The following HS3ST3B1 variants were observed in gnomAD, a reference collection of about 807,000 sequenced individuals.
The protein encoded by HS3ST3B1 is heparan sulfate-glucosamine 3-sulfotransferase 3B1, also known as heparan sulfate glucosamine 3-O-sulfotransferase 3B1.
In HS3ST3B1, 13 loss-of-function variants were observed where a neutral mutation model predicts 21.3. The ratio of observed to expected loss-of-function variants is 0.61; its 90% CI spans 0.40 to 0.97. The LOEUF (loss-of-function observed/expected upper bound fraction) is 0.97. Among genes scored for constraint, HS3ST3B1 ranks in the 50% least tolerant of loss-of-function variants. HS3ST3B1 has a pLI of 0.00. For missense variants in HS3ST3B1, 459 were observed against 554.8 expected, an observed-to-expected ratio of 0.83 and a Z score of 1.73; for synonymous variants, 234 against 254.8, an observed-to-expected ratio of 0.92 and a Z score of 0.78.
intron 1 of HS3ST3B1, among the ~76,000 whole-genome samples, chr17:14,330,880 T>G (rs1354847665): frequency 1.3e-5 from 2 of 152,074 alleles, no homozygotes; most frequent in Admixed American, 1.3e-4. Flanking sequence ...AGAACGGTGT[T>G]AGAGACCGGG....
intron 1 of HS3ST3B1, among the ~76,000 whole-genome samples, chr17:14,314,468 C>T (rs185570782): frequency 2.0e-4 from 30 of 152,290 alleles, no homozygotes; most frequent in African/African-American, 6.0e-4. Context: ...CGTCCCCATC[C>T]CGAGGACAAC....
chr17:14,307,916 G>A (rs1800295266), intron 1 of HS3ST3B1, among the ~76,000 whole-genome samples: 1 of 152,140 alleles, frequency 6.6e-6, no homozygotes, highest in Admixed American at 6.5e-5. Context: ...TGTTGGGATA[G>A]TCAGGAATTC....
At chr17:14,337,847 G>A (rs1379143350) in intron 1 of HS3ST3B1, among the ~76,000 whole-genome samples, 1 of 151,598 alleles carries the variant, frequency 6.6e-6, no homozygotes, top group African/African-American at 2.4e-5. Context: ...CCACGAAGGT[G>A]GACCTCTATA....
rs550668480 is a variant in HS3ST3B1 at position 14,324,068 on chromosome 17, C to T, written c.555-20960C>T. On this transcript the variant is annotated intron_variant, in intron 1 of 1. Coordinates refer to ENST00000360954, the MANE Select transcript of HS3ST3B1 (RefSeq NM_006041.3). ...CCCCCAACCCCAACCTAGGCTGATT[C>T]GTCTGCCCAGAATGAGCCTTTCTGG... Among the ~76,000 whole-genome samples, 12 of 148,166 alleles carry T rather than the reference C, an allele frequency of 8.1e-5. No homozygotes were observed. The South Asian group carries it at 2.5e-3, about 31-fold the overall frequency.
chr17:14,329,307 G>GAA (rs1567641152), intron 1 of HS3ST3B1: 1 of 107,846 alleles, frequency 9.3e-6, no homozygotes, highest in African/African-American at 3.5e-5. Flanking sequence ...GAAAGAAAGA[G>GAA]AGAAAGAGAG....
Position 14,301,790 on chromosome 17 carries a change from G to T in HS3ST3B1, c.272G>T (p.Arg91Leu), listed in dbSNP as rs776720048. Residue 91 changes from arginine (R) to leucine (L), a missense_variant, in exon 1 of 2, where the codon CGG becomes CTG. Arg to Leu is a moderately radical substitution (Grantham distance 102, BLOSUM62 -2). Transcript: ENST00000360954. ...PDGTPPRLPFRAPPATPLASG... is the reference protein window; with the variant it reads ...PDGTPPRLPFLAPPATPLASG... ...GGGACGCCCCCCAGGCTGCCGTTCC[G>T]GGCGCCGCCAGCCACCCCACTGGCT... 59 of 1,556,534 alleles carry T rather than the reference G, an allele frequency of 3.8e-5. No homozygotes were observed. Among genetic ancestry groups the T allele is most frequent in the Non-Finnish European group, 4.8e-5 (55 of 1,151,032 alleles).
intron 1 of HS3ST3B1, among the ~76,000 whole-genome samples, chr17:14,311,250 A>ACC (rs1909296524): frequency 6.6e-6 from 1 of 151,042 alleles, no homozygotes; most frequent in African/African-American, 2.4e-5. Context: ...AAAAAAAAAA[A>ACC]AAAAAACTGT....
At chr17:14,334,415 C>G (rs1910127995) in intron 1 of HS3ST3B1, among the ~76,000 whole-genome samples, 1 of 151,996 alleles carries the variant, frequency 6.6e-6, no homozygotes, top group African/African-American at 2.4e-5. Context: ...TTCAGAGGAG[C>G]AATTATAGCC....
chr17:14,331,246 C>T (rs975771637), intron 1 of HS3ST3B1, among the ~76,000 whole-genome samples: 1 of 152,054 alleles, frequency 6.6e-6, no homozygotes, highest in South Asian at 2.1e-4. Context: ...AGCAGTACCC[C>T]AGAGAGCTCA....
intron 1 of HS3ST3B1, among the ~76,000 whole-genome samples, chr17:14,322,898 CTTTTTTTT>C (rs34065582): frequency 1.3e-4 from 12 of 94,602 alleles, no homozygotes; most frequent in Admixed American, 1.1e-3. Context: ...GTGTCTATGT[CTTTTTTTT>C]TTTTTTTTTT....
At chr17:14,332,763 G>T (rs1014261396) in intron 1 of HS3ST3B1, among the ~76,000 whole-genome samples, 1 of 151,072 alleles carries the variant, frequency 6.6e-6, no homozygotes, top group Non-Finnish European at 1.5e-5. Context: ...CATTCAGCAC[G>T]GTGAGGGTAC....
intron 1 of HS3ST3B1, among the ~76,000 whole-genome samples, chr17:14,333,794 A>AC (rs1597599761): frequency 6.6e-6 from 1 of 151,776 alleles, no homozygotes; most frequent in South Asian, 2.1e-4. Flanking sequence ...GAGGCTGAGA[A>AC]CCTTTTTTTT....
At position 14,330,550 on chromosome 17, in the gene HS3ST3B1, GGTGTGTGTGTGTGTGTGT is replaced by G. The variant is rs60767866; in HGVS notation, c.555-14461_555-14444del. On this transcript the variant is annotated intron_variant, in intron 1 of 1. Transcript: ENST00000360954. Reference sequence around the variant, plus strand: ...TGTCCTGTTTCTCTCCTGGTTTCCCGGTGTGTGTGTGTGTGTGTGTGTGTGTGTGTGTGTTGCTTGCGG... The same window carrying G: ...TGTCCTGTTTCTCTCCTGGTTTCCCGGTGTGTGTGTGTGTGTTGCTTGCGG... Among the ~76,000 whole-genome samples, 7 of 144,174 alleles carry G rather than the reference GGTGTGTGTGTGTGTGTGT, an allele frequency of 4.9e-5. No homozygotes were observed. The South Asian group carries it at 9.2e-4, about 19-fold the overall frequency. The allele number at this position is 144,174 out of a possible 152,430, so 94.6% of individuals were successfully genotyped here.
chr17:14,301,809 A>C lies in HS3ST3B1; in HGVS notation c.291A>C (p.Pro97=). The C allele has an allele frequency of 6.4e-7, 1 of 1,559,758 alleles. No homozygotes were observed. Among genetic ancestry groups the C allele is most frequent in the Non-Finnish European group, 8.7e-7 (1 of 1,152,428 alleles). Reference sequence around the variant, plus strand: ...CGTTCCGGGCGCCGCCAGCCACCCCACTGGCTTCAGGCAAGGAGATGGCCG... The same window carrying C: ...CGTTCCGGGCGCCGCCAGCCACCCCCCTGGCTTCAGGCAAGGAGATGGCCG... The part of the protein sequence containing the change: ...RLPFRAPPAT[P]LASGKEMAEG... The change falls in exon 1 of 2, where the codon CCA becomes CCC. Residue 97 remains proline (P), a synonymous_variant. Coordinates refer to ENST00000360954, the MANE Select transcript of HS3ST3B1 (RefSeq NM_006041.3).
In HS3ST3B1 at chr17:14,341,232, G is replaced by A. The variant is rs574748128; in HGVS notation, c.555-3796G>A. Among the ~76,000 whole-genome samples, 12 of 152,318 alleles carry A rather than the reference G, an allele frequency of 7.9e-5. No homozygotes were observed. In the East Asian group the frequency reaches 2.1e-3, roughly 27 times the overall value. ...CAAGCCCTTCTCTAGGGCCAGTGAG[G>A]AAATTCCGGCTGCAGAGTTCAGGGA... On this transcript the variant is annotated intron_variant, in intron 1 of 1. Coordinates refer to ENST00000360954, the MANE Select transcript of HS3ST3B1 (RefSeq NM_006041.3).
At chr17:14,302,096 G>T (rs1164251597) in intron 1 of HS3ST3B1, 24 bp downstream of exon 1, 15 of 1,573,452 alleles carry the variant, frequency 9.5e-6, no homozygotes, top group East Asian at 2.3e-5. Context: ...CCAGGGGCAG[G>T]GTCTCCATCG....
In HS3ST3B1 at chr17:14,301,683, C is replaced by T. The variant is rs1450058226; in HGVS notation, c.165C>T (p.Cys55=). 1 of 1,601,112 alleles carries T rather than the reference C, an allele frequency of 6.2e-7. No individual in the cohort carries two copies. Among genetic ancestry groups the T allele is most frequent in the South Asian group, 1.1e-5 (1 of 90,182 alleles). ...YMFLYSCAGS[C]AAAPGLLLLG... Reference sequence around the variant, plus strand: ...TCCTGTACTCGTGCGCCGGCTCCTGCGCCGCCGCGCCGGGGCTGCTGCTCC... The same window carrying T: ...TCCTGTACTCGTGCGCCGGCTCCTGTGCCGCCGCGCCGGGGCTGCTGCTCC... The change falls in exon 1 of 2, where the codon TGC becomes TGT. Residue 55 remains cysteine (C), a synonymous_variant. Coordinates refer to ENST00000360954, the MANE Select transcript of HS3ST3B1 (RefSeq NM_006041.3).
intron 1 of HS3ST3B1, chr17:14,305,099 TG>T (rs1212616182): frequency 6.6e-6 from 1 of 152,240 alleles, no homozygotes; most frequent in Non-Finnish European, 1.5e-5. Flanking sequence ...TGTACAGAGC[TG>T]GCGCTGCCAA....
In HS3ST3B1 at chr17:14,303,198, G is replaced by A. The variant is rs544600103; in HGVS notation, c.554+1126G>A. On this transcript the variant is annotated intron_variant, in intron 1 of 1. Transcript: ENST00000360954. The surrounding 1 kb of genome is among the most constrained non-coding windows in gnomAD (Gnocchi z 5.7). ...CACATTTTCGTTGGGGTCTCCACCCGTAACCCCAGCCAGCACGACATTCAG... is the reference window on the plus strand; with the variant it reads ...CACATTTTCGTTGGGGTCTCCACCCATAACCCCAGCCAGCACGACATTCAG... 9.9e-5 allele frequency among the ~76,000 whole-genome samples: 15 copies of A among 152,218 alleles called. No individual in the cohort carries two copies. Among genetic ancestry groups the A allele is most frequent in the Admixed American group, 9.2e-4 (14 of 15,298 alleles).
Sources: gnomAD v4.1 joint callset for allele counts (sites outside exome capture counted in the v4.1 genomes callset) on GRCh38, gnomAD v4.1.1 for gene constraint, Gnocchi (gnomAD v3.1) non-coding constraint, MANE v1.5 for transcripts, NCBI Gene and HGNC (gene_info 2026-07-23, HGNC 2026-07-21) for gene names.